The following LILRA2 variants were observed in gnomAD, a reference collection of about 807,000 sequenced individuals.
LILRA2 encodes the protein leukocyte immunoglobulin-like receptor subfamily A member 2.
Under a neutral mutation model 47.9 loss-of-function variants are expected in LILRA2, and 45 were observed. The observed-to-expected ratio is 0.94, with a 90% CI of 0.74 to 1.20. LILRA2 has a LOEUF of 1.20. Among genes scored for constraint, LILRA2 ranks in the 50% most tolerant of loss-of-function variants. The pLI, the probability that LILRA2 is intolerant of heterozygous loss-of-function variation, is 0.00. For synonymous variants in LILRA2, 279 were observed against 249.2 expected, an observed-to-expected ratio of 1.12 and a Z score of -1.13; for missense variants, 651 against 598.2, an observed-to-expected ratio of 1.09 and a Z score of -0.92.
rs1007994398 is a variant in LILRA2 at position 54,587,586 on chromosome 19, C to T, written c.*240C>T. On this transcript the variant is annotated 3_prime_UTR_variant, in exon 8 of 8. Coordinates refer to ENST00000391738, the MANE Select transcript of LILRA2 (RefSeq NM_001130917.3). ...TGTTGACTTCCCTTGACTGGATCCC[C>T]TTTTTTTCCCATCCCCAGACATGAG... is the stretch of plus-strand genomic sequence containing the variant. The T allele has an allele frequency of 7.0e-3, 4,783 of 686,314 alleles. No individual in the cohort carries two copies. In the South Asian group the frequency reaches 0.071, roughly 10 times the overall value. The allele number at this position is 686,314 out of a possible 1,614,324, so 42.5% of individuals were successfully genotyped here.
At position 54,573,868 on chromosome 19, in the gene LILRA2, G is replaced by T. The variant is rs751775529; in HGVS notation, c.-11G>T. ...ATCCATCCGCAGAGCAGGGCAGTGG[G>T]AGGAGACGCCATGACCCCCATCCTC... is the stretch of plus-strand genomic sequence containing the variant. On this transcript the variant is annotated 5_prime_UTR_variant, in exon 1 of 8. Coordinates refer to ENST00000391738, the MANE Select transcript of LILRA2 (RefSeq NM_001130917.3). The T allele has an allele frequency of 1.2e-6, 2 of 1,614,050 alleles. No individual in the cohort carries two copies. Among genetic ancestry groups the T allele is most frequent in the Non-Finnish European group, 1.7e-6 (2 of 1,180,024 alleles).
chr19:54,587,492 G>C lies in LILRA2; in HGVS notation c.*146G>C. 1.5e-6 allele frequency: 2 copies of C among 1,314,642 alleles called. No individual in the cohort carries two copies. 81.4% of individuals were successfully genotyped at this position (1,314,642 alleles called of 1,614,324 possible). The stretch of plus-strand genomic sequence containing the variant: ...TCTAGAGACAGCAATCAATATTTGA[G>C]TGTAAGGAAACTGTCTGGGGTGATT... On this transcript the variant is annotated 3_prime_UTR_variant, in exon 8 of 8. Coordinates refer to ENST00000391738, the MANE Select transcript of LILRA2 (RefSeq NM_001130917.3).
In LILRA2 at chr19:54,574,437, G is replaced by T. The variant is rs750317200; in HGVS notation, c.207G>T (p.Trp69Cys). 1 of 1,613,978 alleles carries T rather than the reference G, an allele frequency of 6.2e-7. No homozygotes were observed. The highest frequency in any genetic ancestry group is 1.3e-5 in the African/African-American group (1 of 74,852). The change falls in exon 3 of 8, where the codon TGG (tryptophan) becomes TGT (cysteine). Residue 69 changes from tryptophan (W) to cysteine (C), a missense_variant. By Grantham distance (215) the Trp-to-Cys change is radical (BLOSUM62 -2). Transcript: ENST00000391738. The part of the protein sequence containing the change: ...HLYRENKSAS[W>C]VRRIQEPGKN... ...ATAGGGAAAACAAATCAGCATCCTG[G>T]GTTAGACGGATACAAGAGCCTGGGA...
chr19:54,576,046 T>C lies in LILRA2; in HGVS notation c.1192T>C (p.Ser398Pro). The C allele has an allele frequency of 6.2e-7, 1 of 1,613,828 alleles. No homozygotes were observed. Among genetic ancestry groups the C allele is most frequent in the South Asian group, 1.1e-5 (1 of 91,056 alleles). The change falls in exon 6 of 8, where the codon TCA becomes CCA. Residue 398 changes from serine to proline, a missense_variant. By Grantham distance (74) the Ser-to-Pro change is moderately conservative. Transcript: ENST00000391738. The stretch of plus-strand genomic sequence containing the variant: ...CGTGGGGACCTACAGATGCTACAGC[T>C]CACTCAGCTCCAACCCCTACCTGCT... ...AHVGTYRCYSSLSSNPYLLSL... is the reference protein window; with the variant it reads ...AHVGTYRCYSPLSSNPYLLSL...
At chr19:54,575,102 C>G in intron 4 of LILRA2, 69 bp downstream of exon 4, 1 of 1,574,288 alleles carries the variant, frequency 6.4e-7, no homozygotes, top group East Asian at 2.2e-5. Flanking sequence ...TGGGGAGCAG[C>G]CGCGTCTCAG....
intron 6 of LILRA2, among the ~76,000 whole-genome samples, chr19:54,581,473 T>G (rs1183503053): frequency 5.8e-5 from 7 of 120,998 alleles, no homozygotes; most frequent in Non-Finnish European, 1.2e-4. Flanking sequence ...CTTTCCCCAT[T>G]GCTTGTTTTT....
At chr19:54,586,567 T>C (rs1317853239) in intron 6 of LILRA2, among the ~76,000 whole-genome samples, 1 of 152,086 alleles carries the variant, frequency 6.6e-6, no homozygotes, top group African/African-American at 2.4e-5. Context: ...GTCCAACCCC[T>C]CCTCCATGGA....
rs1408828492 is a variant in LILRA2, at chr19:54,573,822, T to C, written c.-57T>C. ...TGTCCACACCCTGTGCGTCTCTCTG[T>C]CCTGCCAGCACTGAGGGCTCATCCA... On this transcript the variant is annotated 5_prime_UTR_variant, in exon 1 of 8. Transcript: ENST00000391738. 42 of 1,613,032 alleles carry C rather than the reference T, an allele frequency of 2.6e-5. 1 individual carries two copies. The Admixed American group carries it at 6.9e-4, about 26-fold the overall frequency.
chr19:54,575,824 C>T lies in LILRA2; in HGVS notation c.970C>T (p.Pro324Ser). 6.2e-7 allele frequency: 1 copy of T among 1,613,702 alleles called. No individual in the cohort carries two copies. The highest frequency in any genetic ancestry group is 8.5e-7 in the Non-Finnish European group (1 of 1,179,870). The change falls in exon 6 of 8, where the codon CCC becomes TCC. Residue 324 changes from proline to serine, a missense_variant. Physicochemically the swap from Pro to Ser is moderately conservative, Grantham distance 74. Transcript: ENST00000391738. ...ILITGQFYDR[P>S]SLSVQPVPTV... is the part of the protein sequence containing the mutation. ...CTCTCTAGGACAGTTCTATGACAGA[C>T]CCTCTCTCTCGGTGCAGCCGGTCCC...
intron 6 of LILRA2, among the ~76,000 whole-genome samples, chr19:54,584,591 C>T (rs960248482): frequency 9.9e-5 from 15 of 152,136 alleles, no homozygotes; most frequent in Admixed American, 5.2e-4. Context: ...GCATGCATCA[C>T]GAAGTTCTTG....
chr19:54,574,884 A>G lies in LILRA2; in HGVS notation c.506A>G (p.His169Arg), dbSNP rs1276434778. The G allele has an allele frequency of 2.5e-6, 4 of 1,614,142 alleles. No individual in the cohort carries two copies. Among genetic ancestry groups the G allele is most frequent in the Non-Finnish European group, 8.5e-7 (1 of 1,180,050 alleles). The change falls in exon 4 of 8, where the codon CAT becomes CGT. Residue 169 changes from histidine (H) to arginine (R), a missense_variant. Transcript: ENST00000391738. The part of the protein sequence containing the change: ...EDEHPQRLNS[H>R]SHARGWSWAI... ...GAACACCCACAACGCCTGAACTCCC[A>G]TTCCCATGCCCGTGGGTGGTCCTGG...
Position 54,574,562 on chromosome 19 carries a change from C to T in LILRA2, c.332C>T (p.Pro111Leu). 2 of 1,613,952 alleles carry T rather than the reference C, an allele frequency of 1.2e-6. No individual in the cohort carries two copies. Among genetic ancestry groups the T allele is most frequent in the East Asian group, 2.2e-5 (1 of 44,882 alleles). The change falls in exon 3 of 8, where the codon CCC becomes CTC. Residue 111 changes from proline (P) to leucine (L), a missense_variant. Coordinates refer to ENST00000391738, the MANE Select transcript of LILRA2 (RefSeq NM_001130917.3). ...AATCACTCATCAGAGTACAGTGACC[C>T]CCTGGAGCTGGTGGTGACAGGTGAG... Reference protein sequence around the residue: ...SHNHSSEYSDPLELVVTGAYS... With the variant: ...SHNHSSEYSDLLELVVTGAYS...
intron 6 of LILRA2, among the ~76,000 whole-genome samples, chr19:54,585,534 C>T (rs1486941595): frequency 6.6e-6 from 1 of 152,174 alleles, no homozygotes; most frequent in Non-Finnish European, 1.5e-5. Context: ...TGCAGCATCG[C>T]AGGTCGATCT....
intron 6 of LILRA2, among the ~76,000 whole-genome samples, chr19:54,586,320 A>G (rs1214182215): frequency 2.0e-5 from 3 of 151,980 alleles, no homozygotes; most frequent in African/African-American, 7.2e-5. Flanking sequence ...TTGCTGGAGC[A>G]GAAGTATTCA....
Position 54,582,690 on chromosome 19 carries a change from C to T in LILRA2, c.1256-4320C>T, listed in dbSNP as rs372987756. On this transcript the variant is annotated intron_variant, in intron 6 of 7. Coordinates refer to ENST00000391738, the MANE Select transcript of LILRA2 (RefSeq NM_001130917.3). The stretch of plus-strand genomic sequence containing the variant: ...TTTTCTTGTTTATTAGTCTTCCTAG[C>T]GGTCTATCAATTTTGTTGATCTTTT... Among the ~76,000 whole-genome samples, 197 of 152,174 alleles carry T rather than the reference C, an allele frequency of 1.3e-3. 2 individuals are homozygous for T. In the South Asian group the frequency reaches 0.035, roughly 27 times the overall value.
chr19:54,580,050 C>T (rs149556257), intron 6 of LILRA2, among the ~76,000 whole-genome samples: 1 of 152,260 alleles, frequency 6.6e-6, no homozygotes, highest in East Asian at 1.9e-4. Context: ...ATGTCATCTG[C>T]AAGCAGAGAT....
rs7255919 is a variant in LILRA2, at chr19:54,574,017, G to A, written c.35-59G>A. On this transcript the variant is annotated intron_variant, in intron 1 of 7. Coordinates refer to ENST00000391738, the MANE Select transcript of LILRA2 (RefSeq NM_001130917.3). ...CCCAGGGGCTCACAAAGATCCCAGG[G>A]AGGGGAGGACCTGCCCAGGCTTCAG... 3.5e-3 allele frequency: 5,723 copies of A among 1,614,134 alleles called. 33 individuals are homozygous for A. The highest frequency in any genetic ancestry group is 0.031 in the South Asian group (2,849 of 91,080).
chr19:54,583,966 G>T (rs979601738), intron 6 of LILRA2, among the ~76,000 whole-genome samples: 1 of 152,148 alleles, frequency 6.6e-6, no homozygotes, highest in Non-Finnish European at 1.5e-5. Flanking sequence ...AGGCAGGCCT[G>T]GTGGTGACAA....
intron 6 of LILRA2, among the ~76,000 whole-genome samples, chr19:54,585,351 T>C (rs1291873271): frequency 6.6e-6 from 1 of 152,218 alleles, no homozygotes; most frequent in Non-Finnish European, 1.5e-5. Context: ...CTGCAGAAGC[T>C]ACCTGCTGCC....
Sources: allele counts gnomAD v4.1 joint callset (sites outside exome capture counted in the v4.1 genomes callset), GRCh38; gene constraint gnomAD v4.1.1; transcripts MANE v1.5; gene names NCBI Gene and HGNC (gene_info 2026-07-23, HGNC 2026-07-21).